Variants in POU6F2 observed in about 807,000 individuals in gnomAD.
POU6F2 encodes the protein POU domain, class 6, transcription factor 2.
Under a neutral mutation model 71.3 loss-of-function variants are expected in POU6F2, and 31 were observed. The observed-to-expected ratio is 0.43, with a 90% CI of 0.33 to 0.59. The LOEUF (loss-of-function observed/expected upper bound fraction) is 0.59, where lower values mean the gene tolerates loss of function less well. Among genes scored for constraint, POU6F2 ranks in the 20% least tolerant of loss-of-function variants. POU6F2 has a pLI of 0.04. For synonymous variants in POU6F2, 347 were observed against 355.7 expected, an observed-to-expected ratio of 0.98 and a Z score of 0.27; for missense variants, 783 against 856.8, an observed-to-expected ratio of 0.91 and a Z score of 1.07.
intron 1 of POU6F2, among the ~76,000 whole-genome samples, chr7:39,020,097 C>T (rs1789649076): frequency 6.6e-6 from 1 of 152,132 alleles, no homozygotes. Flanking sequence ...AGGTTGGGTG[C>T]ACCCTCCCAG....
At chr7:39,229,853 G>A (rs1049957995) in intron 4 of POU6F2, among the ~76,000 whole-genome samples, 3 of 152,140 alleles carry the variant, frequency 2.0e-5, no homozygotes, top group Non-Finnish European at 4.4e-5. Context: ...CTGACGTTTT[G>A]AGGATCTCGA....
At chr7:39,394,187 C>T (rs1411150304) in intron 5 of POU6F2, among the ~76,000 whole-genome samples, 1 of 152,200 alleles carries the variant, frequency 6.6e-6, no homozygotes, top group Admixed American at 6.5e-5. Flanking sequence ...CACGTGCACC[C>T]AGCCATGGGG....
chr7:39,279,499 G>A (rs1784521555), intron 4 of POU6F2, among the ~76,000 whole-genome samples: 1 of 152,190 alleles, frequency 6.6e-6, no homozygotes, highest in African/African-American at 2.4e-5. Context: ...TCCACAAACT[G>A]GGTGGCCTAA....
chr7:39,188,318 T>TA (rs1793588641), intron 2 of POU6F2, among the ~76,000 whole-genome samples: 1 of 152,114 alleles, frequency 6.6e-6, no homozygotes, highest in African/African-American at 2.4e-5. Flanking sequence ...AATCTTTTTT[T>TA]AAAATTTTTT....
intron 6 of POU6F2, among the ~76,000 whole-genome samples, chr7:39,428,180 G>A (rs962761535): frequency 1.3e-5 from 2 of 152,128 alleles, no homozygotes; most frequent in African/African-American, 4.8e-5. Context: ...ATGGAAATGG[G>A]GATCTTTCAA....
intron 1 of POU6F2, among the ~76,000 whole-genome samples, chr7:38,989,144 A>T (rs1194221593): frequency 6.6e-6 from 1 of 152,106 alleles, no homozygotes; most frequent in African/African-American, 2.4e-5. Context: ...TAGGAGCCAC[A>T]CTAGCCTCAA....
chr7:39,245,086 C>A (rs915206123), intron 4 of POU6F2, among the ~76,000 whole-genome samples: 3 of 152,054 alleles, frequency 2.0e-5, no homozygotes, highest in African/African-American at 7.2e-5. Context: ...AATGAATTAG[C>A]GAAGTTAAGG....
chr7:39,458,940 C>T (rs186152158), intron 8 of POU6F2, among the ~76,000 whole-genome samples: 58 of 152,226 alleles, frequency 3.8e-4, no homozygotes, highest in African/African-American at 1.4e-3. Flanking sequence ...TGAATCCTCC[C>T]TCCTCTCCAC....
chr7:39,459,993 C>T (rs1788908260), intron 8 of POU6F2, among the ~76,000 whole-genome samples: 1 of 152,100 alleles, frequency 6.6e-6, no homozygotes, highest in South Asian at 2.1e-4. Context: ...TAAGCATGCT[C>T]TTCTGAGGGA....
intron 4 of POU6F2, among the ~76,000 whole-genome samples, chr7:39,326,025 G>A (rs1785497090): frequency 6.6e-6 from 1 of 152,130 alleles, no homozygotes. Context: ...CTCAATAAAT[G>A]TTAGCTCTAA....
At chr7:39,138,319 G>A (rs1792426850) in intron 2 of POU6F2, among the ~76,000 whole-genome samples, 1 of 152,082 alleles carries the variant, frequency 6.6e-6, no homozygotes, top group South Asian at 2.1e-4. Flanking sequence ...TTAAATAGGG[G>A]TCCCCAACCC....
chr7:39,049,926 T>C (rs537214680), intron 1 of POU6F2, among the ~76,000 whole-genome samples: 1 of 152,162 alleles, frequency 6.6e-6, no homozygotes, highest in South Asian at 2.1e-4. Flanking sequence ...GTCTATTCAC[T>C]GCTATTTTCC....
At chr7:39,451,023 G>A (rs3823618) in intron 7 of POU6F2, among the ~76,000 whole-genome samples, 50,087 of 151,910 alleles carry the variant, frequency 0.33, 9,112 homozygotes, top group East Asian at 0.58. Context: ...AAACCCATCC[G>A]GACTCTAGAG....
chr7:39,017,140 C>T (rs1053661403), intron 1 of POU6F2, among the ~76,000 whole-genome samples: 2 of 152,164 alleles, frequency 1.3e-5, no homozygotes, highest in Non-Finnish European at 2.9e-5. Flanking sequence ...TTCCCTATCC[C>T]ATGGCCTAGC....
chr7:39,077,274 T>C (rs910692932), intron 1 of POU6F2, among the ~76,000 whole-genome samples: 1 of 152,230 alleles, frequency 6.6e-6, no homozygotes, highest in Admixed American at 6.5e-5. Context: ...CAGATAAGTA[T>C]ACATGAAGCA....
chr7:39,286,814 G>GT (rs1325249317), intron 4 of POU6F2, among the ~76,000 whole-genome samples: 1 of 152,122 alleles, frequency 6.6e-6, no homozygotes, highest in Non-Finnish European at 1.5e-5. Flanking sequence ...CCAGACTGGA[G>GT]TACAGTGGTA....
intron 5 of POU6F2, among the ~76,000 whole-genome samples, chr7:39,369,848 A>ATTTT (rs534189300): frequency 7.4e-6 from 1 of 135,476 alleles, no homozygotes. Context: ...CACTCGCAGC[A>ATTTT]TTTTTTTTTT....
chr7:39,433,068 C>T lies in POU6F2; in HGVS notation c.1114-9C>T. On this transcript the variant is annotated splice_polypyrimidine_tract_variant and intron_variant, in intron 6 of 9. Transcript: ENST00000518318. ...GAGCCAGCTCCTCACCTTTGGCCCT[C>T]TCTTGCAGATTATCGGGACCATTCC... 1 of 1,612,470 alleles carries T rather than the reference C, an allele frequency of 6.2e-7. No individual in the cohort carries two copies. The highest frequency in any genetic ancestry group is 8.5e-7 in the Non-Finnish European group (1 of 1,178,884).
intron 4 of POU6F2, among the ~76,000 whole-genome samples, chr7:39,248,851 ACTTTGCCCATCTTGCTCAG>A (rs1783866690): frequency 6.6e-6 from 1 of 152,166 alleles, no homozygotes; most frequent in Non-Finnish European, 1.5e-5. Context: ...CACTGAGCCG[ACTTTGCCCATCTTGCTCAG>A]TGGTTTTCAG....
Sources: gnomAD v4.1 joint callset for allele counts (sites outside exome capture counted in the v4.1 genomes callset) on GRCh38, gnomAD v4.1.1 for gene constraint, MANE v1.5 for transcripts, NCBI Gene and HGNC (gene_info 2026-07-23, HGNC 2026-07-21) for gene names.